BRCA2: variants seen among roughly 807,000 people sequenced by gnomAD.
BRCA2 encodes breast cancer type 2 susceptibility protein.
In BRCA2, 203 loss-of-function variants were observed where a neutral mutation model predicts 276.7. That is an observed-to-expected ratio of 0.73 (90% CI 0.65 to 0.82). BRCA2 has a LOEUF of 0.82. Among genes scored for constraint, BRCA2 ranks in the 40% least tolerant of loss-of-function variants. The pLI is 0.00. For synonymous variants in BRCA2, 1,289 were observed against 1,338.4 expected (o/e 0.96, Z 0.81); for missense variants, 3,920 against 3,915.0 (o/e 1.00, Z -0.03).
At chr13:32,396,011 AC>A (rs2073034724) in intron 25 of BRCA2, 1 of 132,492 alleles carries the variant, frequency 7.5e-6, no homozygotes, top group East Asian at 2.8e-4. Flanking sequence ...TTGCTTTGTC[AC>A]CCCCAGGCTG....
In BRCA2 at chr13:32,338,927, T is replaced by G. The variant is rs764341684; in HGVS notation, c.4572T>G (p.Phe1524Leu). The change falls in exon 11 of 27, where the codon TTT becomes TTG. Residue 1524 changes from phenylalanine to leucine, a missense_variant. By Grantham distance (22) the Phe-to-Leu change is conservative (BLOSUM62 0). Around this residue, in one of 2 missense-constraint regions of BRCA2, gnomAD observed 3,263 missense variants for 3,156.9 expected, o/e 1.03. Transcript: ENST00000380152. ...EKIKEPTLLG[F>L]HTASGKKVKI... The stretch of plus-strand genomic sequence containing the variant: ...TCAAAGAACCTACTCTATTGGGTTT[T>G]CATACAGCTAGCGGGAAAAAAGTTA... 2.5e-6 allele frequency: 4 copies of G among 1,613,942 alleles called. No individual in the cohort carries two copies. The highest frequency in any genetic ancestry group is 3.4e-6 in the Non-Finnish European group (4 of 1,179,922).
rs80359401 is a variant in BRCA2, at chr13:32,338,069, GA to G, written c.3717del (p.Lys1239AsnfsTer20). 2 of 1,611,658 alleles carry G rather than the reference GA, an allele frequency of 1.2e-6. No homozygotes were observed. Among genetic ancestry groups the G allele is most frequent in the Non-Finnish European group, 1.7e-6 (2 of 1,178,974 alleles). Reference sequence around the variant, plus strand: ...CTACTGAAGCTCTGCAAAAAGCTGTGAAACTGTTTAGTGATATTGAGAATAT... The same window carrying G: ...CTACTGAAGCTCTGCAAAAAGCTGTGAACTGTTTAGTGATATTGAGAATAT... The part of the protein sequence containing the change: ...VSTEALQKAV[K>X]LFSDIENISE... On this transcript the variant is annotated frameshift_variant, in exon 11 of 27. Transcript: ENST00000380152. LOFTEE classifies it high-confidence loss of function.
rs369663895 is a variant in BRCA2 at position 32,398,760 on chromosome 13, A to C, written c.10247A>C (p.Lys3416Thr). Reference protein sequence around the residue: ...KNKQDTITTKKYI With the variant: ...KNKQDTITTKTYI The stretch of plus-strand genomic sequence containing the variant: ...AAGCAGGACACAATTACAACTAAAA[A>C]ATATATCTAAGCATTTGCAAAGGCG... Residue 3416 changes from lysine to threonine, a missense_variant, in exon 27 of 27, where the codon AAA becomes ACA. Lys to Thr is a moderately conservative substitution (Grantham distance 78). This residue lies in a region of BRCA2 where 657 missense variants were observed against 758.2 expected (regional missense o/e 0.87). Transcript: ENST00000380152. 1.2e-6 allele frequency: 2 copies of C among 1,613,788 alleles called. No individual in the cohort carries two copies. Among genetic ancestry groups the C allele is most frequent in the Non-Finnish European group, 1.7e-6 (2 of 1,179,974 alleles).
At chr13:32,360,278 G>A (rs2072729629) in intron 16 of BRCA2, among the ~76,000 whole-genome samples, 1 of 152,142 alleles carries the variant, frequency 6.6e-6, no homozygotes, top group African/African-American at 2.4e-5. Flanking sequence ...ACAAAAGGAA[G>A]ACCTCATAGA....
chr13:32,354,713 T>C (rs550608931), intron 13 of BRCA2, 148 bp from the exon 14 acceptor site: 10 of 660,850 alleles, frequency 1.5e-5, no homozygotes, highest in South Asian at 3.7e-5. Flanking sequence ...AAATGTGATA[T>C]TGTTTTGGAA....
chr13:32,337,614 A>T lies in BRCA2; in HGVS notation c.3259A>T (p.Thr1087Ser), dbSNP rs775142613. 1 of 1,591,642 alleles carries T rather than the reference A, an allele frequency of 6.3e-7. No homozygotes were observed. The highest frequency in any genetic ancestry group is 8.5e-7 in the Non-Finnish European group (1 of 1,169,932). The change falls in exon 11 of 27, where the codon ACC becomes TCC. Residue 1087 changes from threonine (T) to serine (S), a missense_variant. Transcript: ENST00000380152. ...TTCTGATTGTAAAAATAGTCATATA[A>T]CCCCTCAGATGTTATTTTCCAAGCA... is the stretch of plus-strand genomic sequence containing the variant. The part of the protein sequence containing the change: ...VVSDCKNSHI[T>S]PQMLFSKQDF...
intron 11 of BRCA2, among the ~76,000 whole-genome samples, chr13:32,342,654 A>G (rs1248609202): frequency 6.6e-6 from 1 of 152,222 alleles, no homozygotes; most frequent in African/African-American, 2.4e-5. Context: ...GCAAACCTAT[A>G]CAGCATGTTA....
In BRCA2 at chr13:32,340,962, G is replaced by T. The variant is rs587782136; in HGVS notation, c.6607G>T (p.Val2203Phe). 6.2e-7 allele frequency: 1 copy of T among 1,608,996 alleles called. No individual in the cohort carries two copies. Among genetic ancestry groups the T allele is most frequent in the Non-Finnish European group, 8.5e-7 (1 of 1,178,796 alleles). The change falls in exon 11 of 27, where the codon GTT becomes TTT. Residue 2203 changes from valine (V) to phenylalanine (F), a missense_variant. Physicochemically the swap from Val to Phe is conservative, Grantham distance 50. Coordinates refer to ENST00000380152, the MANE Select transcript of BRCA2 (RefSeq NM_000059.4). ...TGGTAAAACTGAAACTTTTTCTGAT[G>T]TTCCTGTGAAAACAAATATAGAAGT... The part of the protein sequence containing the change: ...EIGKTETFSD[V>F]PVKTNIEVCS...
chr13:32,320,784 A>G (rs1566216622), intron 3 of BRCA2, among the ~76,000 whole-genome samples: 1 of 152,222 alleles, frequency 6.6e-6, no homozygotes, highest in Non-Finnish European at 1.5e-5. Flanking sequence ...TAGAGTGAGT[A>G]TTAGTATTAT....
At chr13:32,328,495 G>A (rs1240838511) in intron 7 of BRCA2, among the ~76,000 whole-genome samples, 1 of 152,056 alleles carries the variant, frequency 6.6e-6, no homozygotes, top group Non-Finnish European at 1.5e-5. Context: ...GTTTGTCTCA[G>A]CCACATTTTT....
Position 32,350,572 on chromosome 13 carries a change from A to C in BRCA2, c.7007+3676A>C, listed in dbSNP as rs372895837. On this transcript the variant is annotated intron_variant, in intron 13 of 26. Transcript: ENST00000380152. ...AGACCATCCTGGCTAACATGGTGAA[A>C]CCCCATCTCTACTAAAAATAACAAA... is the stretch of plus-strand genomic sequence containing the variant. Among the ~76,000 whole-genome samples the C allele has an allele frequency of 2.7e-3, 413 of 152,078 alleles. 3 individuals are homozygous for C. Among genetic ancestry groups the C allele is most frequent in the African/African-American group, 9.6e-3 (400 of 41,498 alleles).
rs1428762163 is a variant in BRCA2, at chr13:32,325,190, A to G, written c.425+6A>G. On this transcript the variant is annotated splice_donor_region_variant and intron_variant, in intron 4 of 26. Coordinates refer to ENST00000380152, the MANE Select transcript of BRCA2 (RefSeq NM_000059.4). ...AATTCTTGTCTTAGTGAAAGGTATG[A>G]TGAAGCTATTATATTAAAATATTTA... 6.6e-7 allele frequency: 1 copy of G among 1,514,306 alleles called. No individual in the cohort carries two copies. The highest frequency in any genetic ancestry group is 9.2e-7 in the Non-Finnish European group (1 of 1,091,326). 93.8% of individuals were successfully genotyped at this position (1,514,306 alleles called of 1,614,324 possible). A position where few individuals can be genotyped will look rare whatever the true frequency, so the allele number is the denominator to read the frequency against.
chr13:32,338,798 G>GGAAACA lies in BRCA2; in HGVS notation c.4446_4451dup (p.Glu1482_Thr1483dup), dbSNP rs863224826. 2 of 1,613,218 alleles carry GGAAACA rather than the reference G, an allele frequency of 1.2e-6. No homozygotes were observed. Among genetic ancestry groups the GGAAACA allele is most frequent in the Non-Finnish European group, 1.7e-6 (2 of 1,179,698 alleles). On this transcript the variant is annotated inframe_insertion, in exon 11 of 27. Coordinates refer to ENST00000380152, the MANE Select transcript of BRCA2 (RefSeq NM_000059.4). ...ACAAAATGGACATTCTAAGTTATGA[G>GGAAACA]GAAACAGACATAGTTAAACACAAAA... is the stretch of plus-strand genomic sequence containing the variant.
At chr13:32,392,970 C>G (rs2073007460) in intron 24 of BRCA2, among the ~76,000 whole-genome samples, 1 of 152,004 alleles carries the variant, frequency 6.6e-6, no homozygotes. Flanking sequence ...ATAGACTGAT[C>G]AATTATTTTG....
chr13:32,359,222 G>GAA lies in BRCA2; in HGVS notation c.7805+1313_7805+1314dup, dbSNP rs67041705. Among the ~76,000 whole-genome samples, 198 of 107,364 alleles carry GAA rather than the reference G, an allele frequency of 1.8e-3. 1 individual carries two copies. Among genetic ancestry groups the GAA allele is most frequent in the Non-Finnish European group, 2.5e-3 (136 of 54,996 alleles). The allele number at this position is 107,364 out of a possible 152,430, so 70.4% of individuals were successfully genotyped here. On this transcript the variant is annotated intron_variant, in intron 16 of 26. Coordinates refer to ENST00000380152, the MANE Select transcript of BRCA2 (RefSeq NM_000059.4). Reference sequence around the variant, plus strand: ...GGGCAACAGTGAGACTCCATCTCAAGAAAAAAAAAAAAAAAAAAAAAGAAA... The same window carrying GAA: ...GGGCAACAGTGAGACTCCATCTCAAGAAAAAAAAAAAAAAAAAAAAAAAGAAA...
rs80359001 is a variant in BRCA2, at chr13:32,357,875, G to A, written c.7751G>A (p.Gly2584Asp). ...WTGKGIQLAD[G>D]GWLIPSNDGK... is the part of the protein sequence containing the mutation. ...GGAAAAGGAATACAGTTGGCTGATG[G>A]TGGATGGCTCATACCCTCCAATGAT... The change falls in exon 16 of 27, where the codon GGT becomes GAT. Residue 2584 changes from glycine to aspartate, a missense_variant. This residue lies in a region of BRCA2 where 3,263 missense variants were observed against 3,156.9 expected (regional missense o/e 1.03). Transcript: ENST00000380152. The A allele has an allele frequency of 3.7e-6, 6 of 1,614,116 alleles. No homozygotes were observed. Among genetic ancestry groups the A allele is most frequent in the Non-Finnish European group, 5.1e-6 (6 of 1,180,020 alleles).
chr13:32,375,503 C>T (rs370433190), intron 20 of BRCA2: 1 of 320,470 alleles, frequency 3.1e-6, no homozygotes, highest in Non-Finnish European at 6.2e-6. Context: ...GTTTTCAATT[C>T]ACTTTACCCA....
rs2137476608 is a variant in BRCA2 at position 32,333,444 on chromosome 13, C to T, written c.1909+57C>T. On this transcript the variant is annotated intron_variant, in intron 10 of 26. Coordinates refer to ENST00000380152, the MANE Select transcript of BRCA2 (RefSeq NM_000059.4). ...ACATATAGTTTTATAGATGACGATT[C>T]CTTCTGTGTTTTTTTCTGCTTTTTA... is the stretch of plus-strand genomic sequence containing the variant. 4 of 1,544,160 alleles carry T rather than the reference C, an allele frequency of 2.6e-6. No homozygotes were observed. In the South Asian group the frequency reaches 3.6e-5, roughly 14 times the overall value.
Position 32,338,857 on chromosome 13 carries a change from A to G in BRCA2, c.4502A>G (p.Asn1501Ser), listed in dbSNP as rs545444016. ...GAAAGTGTCCCAGTTGGTACTGGAAATCAACTAGTGACCTTCCAGGGACAA... is the reference window on the plus strand; with the variant it reads ...GAAAGTGTCCCAGTTGGTACTGGAAGTCAACTAGTGACCTTCCAGGGACAA... ...LKESVPVGTGNQLVTFQGQPE... is the reference protein window; with the variant it reads ...LKESVPVGTGSQLVTFQGQPE... The change falls in exon 11 of 27, where the codon AAT becomes AGT. Residue 1501 changes from asparagine (N) to serine (S), a missense_variant. Asn to Ser is a conservative substitution (Grantham distance 46). Coordinates refer to ENST00000380152, the MANE Select transcript of BRCA2 (RefSeq NM_000059.4). 3.1e-6 allele frequency: 5 copies of G among 1,613,938 alleles called. No individual in the cohort carries two copies. Among genetic ancestry groups the G allele is most frequent in the African/African-American group, 2.7e-5 (2 of 75,054 alleles).
Sources: allele counts gnomAD v4.1 joint callset (sites outside exome capture counted in the v4.1 genomes callset), GRCh38; gene constraint gnomAD v4.1.1; regional missense constraint gnomAD v4.1.1; transcripts MANE v1.5; gene names NCBI Gene and HGNC (gene_info 2026-07-23, HGNC 2026-07-21).